Variants in SLCO1B3 observed in about 807,000 individuals in gnomAD.
The protein encoded by SLCO1B3 is liver-specific organic anion transporter 2.
A neutral mutation model predicts 71.8 loss-of-function variants in SLCO1B3; 72 were observed. The ratio of observed to expected loss-of-function variants is 1.00; its 90% CI spans 0.83 to 1.22. SLCO1B3 has a LOEUF of 1.22. SLCO1B3 is among the 50% of genes most tolerant of loss of function. The pLI is 0.00. For synonymous variants in SLCO1B3, 298 were observed against 278.4 expected (o/e 1.07, Z -0.70); for missense variants, 911 against 819.7 (o/e 1.11, Z -1.36).
intron 3 of SLCO1B3, among the ~76,000 whole-genome samples, chr12:20,831,076 A>C (rs1196665357): frequency 6.6e-6 from 1 of 152,090 alleles, no homozygotes; most frequent in Non-Finnish European, 1.5e-5. Flanking sequence ...TAAAGAAGCC[A>C]GGCCGGGCGC....
At chr12:20,886,587 G>C (rs895501931) in intron 13 of SLCO1B3, among the ~76,000 whole-genome samples, 1 of 152,034 alleles carries the variant, frequency 6.6e-6, no homozygotes, top group Non-Finnish European at 1.5e-5. Context: ...GTCAAGGCCT[G>C]CTGAGAGTTC....
chr12:20,908,027 T>C (rs1425819434), intron 15 of SLCO1B3, among the ~76,000 whole-genome samples: 1 of 152,204 alleles, frequency 6.6e-6, no homozygotes, highest in Non-Finnish European at 1.5e-5. Flanking sequence ...TTAGTTTCAG[T>C]ATGAAAAGGC....
intron 11 of SLCO1B3, 24 bp downstream of exon 11, chr12:20,879,655 T>G: frequency 6.9e-7 from 1 of 1,444,966 alleles, no homozygotes; most frequent in Non-Finnish European, 9.5e-7. Flanking sequence ...GCTATATAAA[T>G]TGTGTAATAT....
chr12:20,888,311 C>A (rs1489431728), intron 13 of SLCO1B3, among the ~76,000 whole-genome samples: 1 of 151,902 alleles, frequency 6.6e-6, no homozygotes, highest in Non-Finnish European at 1.5e-5. Flanking sequence ...ACACAATATT[C>A]ATTATTCCAA....
chr12:20,900,897 C>A (rs1361340725), intron 14 of SLCO1B3, among the ~76,000 whole-genome samples: 7 of 152,172 alleles, frequency 4.6e-5, no homozygotes, highest in Admixed American at 4.6e-4. Context: ...GTATTAAAAT[C>A]TCCTGCCTTT....
intron 9 of SLCO1B3, among the ~76,000 whole-genome samples, chr12:20,876,476 C>T (rs543412921): frequency 7.2e-5 from 11 of 152,246 alleles, no homozygotes; most frequent in Non-Finnish European, 1.5e-4. Flanking sequence ...CTCATCAGTT[C>T]CTTCACTTAC....
chr12:20,879,694 C>A, intron 11 of SLCO1B3, 63 bp downstream of exon 11: 2 of 1,084,084 alleles, frequency 1.8e-6, no homozygotes, highest in Non-Finnish European at 2.6e-6. Context: ...AGATTATGTG[C>A]AAGTAAAATA....
At chr12:20,815,008 C>T (rs1200458746) in intron 2 of SLCO1B3, among the ~76,000 whole-genome samples, 2 of 123,780 alleles carry the variant, frequency 1.6e-5, no homozygotes, top group South Asian at 2.4e-4. Context: ...CATTTTTCAA[C>T]TACATGCATG....
chr12:20,824,887 T>C (rs1012591046), intron 3 of SLCO1B3, among the ~76,000 whole-genome samples: 3 of 152,170 alleles, frequency 2.0e-5, no homozygotes, highest in African/African-American at 7.2e-5. Context: ...AAATACTTAA[T>C]ATGATAATAT....
chr12:20,833,683 G>T (rs10770745), intron 3 of SLCO1B3, among the ~76,000 whole-genome samples: 67,165 of 147,076 alleles, frequency 0.46, 17,252 homozygotes, highest in South Asian at 0.64. Context: ...TACACTTTAT[G>T]GTATAGAGAG....
chr12:20,819,331 G>A (rs1399460082), intron 3 of SLCO1B3, among the ~76,000 whole-genome samples: 1 of 152,286 alleles, frequency 6.6e-6, no homozygotes, highest in South Asian at 2.1e-4. Flanking sequence ...TAACAGATGA[G>A]GATGAAATTT....
rs1448227942 is a variant in SLCO1B3, at chr12:20,810,767, A to G, written c.-181+3A>G. 9.2e-5 allele frequency: 14 copies of G among 152,222 alleles called. No homozygotes were observed. The highest frequency in any genetic ancestry group is 9.2e-4 in the Admixed American group (14 of 15,286). 9.4% of individuals were successfully genotyped at this position (152,222 alleles called of 1,614,324 possible). On this transcript the variant is annotated splice_donor_region_variant and intron_variant, in intron 1 of 15. Coordinates refer to ENST00000381545, the MANE Select transcript of SLCO1B3 (RefSeq NM_019844.4). ...TTGCTGTAGCATTCAAAGTCAAGGTAAGAACCGTCGAGGTTGTCTAATTAA... is the reference window on the plus strand; with the variant it reads ...TTGCTGTAGCATTCAAAGTCAAGGTGAGAACCGTCGAGGTTGTCTAATTAA...
rs1306102479 is a variant in SLCO1B3 at position 20,898,440 on chromosome 12, G to A, written c.1687G>A (p.Val563Ile). The change falls in exon 14 of 16, where the codon GTT becomes ATT. Residue 563 changes from valine (V) to isoleucine (I), a missense_variant. Physicochemically the swap from Val to Ile is conservative, Grantham distance 29. Transcript: ENST00000381545. Reference protein sequence around the residue: ...TTFILLTVKIVQPELKALAMG... With the variant: ...TTFILLTVKIIQPELKALAMG... Reference sequence around the variant, plus strand: ...TTTGCCTTTATCATATTTCAGGATTGTTCAACCTGAATTGAAAGCACTTGC... The same window carrying A: ...TTTGCCTTTATCATATTTCAGGATTATTCAACCTGAATTGAAAGCACTTGC... The A allele has an allele frequency of 5.0e-6, 8 of 1,592,018 alleles. No individual in the cohort carries two copies. In the South Asian group the frequency reaches 6.7e-5, roughly 13 times the overall value.
intron 3 of SLCO1B3, among the ~76,000 whole-genome samples, chr12:20,825,998 T>C (rs2121109578): frequency 6.6e-6 from 1 of 152,176 alleles, no homozygotes; most frequent in African/African-American, 2.4e-5. Context: ...TTAGACAAGT[T>C]AACAAAAAGA....
At chr12:20,851,299 G>A (rs1325851086) in intron 3 of SLCO1B3, among the ~76,000 whole-genome samples, 1 of 152,028 alleles carries the variant, frequency 6.6e-6, no homozygotes, top group Non-Finnish European at 1.5e-5. Context: ...CAAACACAGT[G>A]GATCCAACTT....
At chr12:20,869,679 G>A (rs1302531599) in intron 8 of SLCO1B3, among the ~76,000 whole-genome samples, 1 of 152,060 alleles carries the variant, frequency 6.6e-6, no homozygotes, top group Non-Finnish European at 1.5e-5. Flanking sequence ...TTCTGTTTAA[G>A]GGTGAATAGC....
chr12:20,905,093 G>A (rs1866214836), intron 15 of SLCO1B3, among the ~76,000 whole-genome samples: 1 of 152,104 alleles, frequency 6.6e-6, no homozygotes, highest in African/African-American at 2.4e-5. Context: ...CCAAAGCTTG[G>A]GGCTTGCACC....
Position 20,875,253 on chromosome 12 carries a change from C to T in SLCO1B3, c.746C>T (p.Pro249Leu), listed in dbSNP as rs1179028937. ...CTCCTAGGCACTATCAGAATAACTC[C>T]TAAGGACTCTCGTTGGGTTGGAGCT... ...YVDLSTIRIT[P>L]KDSRWVGAWW... Residue 249 changes from proline to leucine, a missense_variant, in exon 9 of 16, where the codon CCT becomes CTT. By Grantham distance (98) the Pro-to-Leu change is moderately conservative. Coordinates refer to ENST00000381545, the MANE Select transcript of SLCO1B3 (RefSeq NM_019844.4). The T allele has an allele frequency of 6.2e-7, 1 of 1,613,112 alleles. No individual in the cohort carries two copies. Among genetic ancestry groups the T allele is most frequent in the Admixed American group, 1.7e-5 (1 of 59,776 alleles).
intron 15 of SLCO1B3, 148 bp from the exon 16 acceptor site, chr12:20,915,856 T>A: frequency 1.8e-6 from 1 of 568,134 alleles, no homozygotes; most frequent in South Asian, 2.8e-5. Flanking sequence ...ATGCCCCCAA[T>A]GAAAATAATA....
Sources: allele counts gnomAD v4.1 joint callset (sites outside exome capture counted in the v4.1 genomes callset), GRCh38; gene constraint gnomAD v4.1.1; transcripts MANE v1.5; gene names NCBI Gene and HGNC (gene_info 2026-07-23, HGNC 2026-07-21).